LACTB2: variants seen among roughly 807,000 people sequenced by gnomAD.
LACTB2 encodes the protein endoribonuclease LACTB2.
LACTB2 carries 32 observed loss-of-function variants against 34.8 expected under a neutral mutation model. That is an observed-to-expected ratio of 0.92 (90% CI 0.69 to 1.24). The LOEUF (loss-of-function observed/expected upper bound fraction) is 1.24, where lower values mean the gene tolerates loss of function less well. LACTB2 is among the 50% of genes most tolerant of loss of function. LACTB2 has a pLI of 0.00. For missense variants in LACTB2, 320 were observed against 345.0 expected (o/e 0.93, Z 0.57); for synonymous variants, 120 against 117.5 (o/e 1.02, Z -0.14).
At position 70,657,816 on chromosome 8, in the gene LACTB2, T is replaced by C. The variant is rs1818430906; in HGVS notation, c.353A>G (p.Glu118Gly). The C allele has an allele frequency of 6.2e-7, 1 of 1,612,444 alleles. No homozygotes were observed. The highest frequency in any genetic ancestry group is 1.7e-5 in the Admixed American group (1 of 59,988). Residue 118 changes from glutamate to glycine, a missense_variant, in exon 3 of 7, where the codon GAG becomes GGG. Glu to Gly is a moderately conservative substitution (Grantham distance 98). Coordinates refer to ENST00000276590, the MANE Select transcript of LACTB2 (RefSeq NM_016027.3). ...PQREEIIGNG[E>G]QQYVYLKDGD... ...ATCTTTCAGATAAACATATTGTTGC[T>C]CTCCATTTCCTATAATTTCTTCTCT...
At chr8:70,667,833 G>A (rs1302848553) in intron 1 of LACTB2, among the ~76,000 whole-genome samples, 2 of 152,164 alleles carry the variant, frequency 1.3e-5, no homozygotes, top group Non-Finnish European at 2.9e-5. Flanking sequence ...ACTTTCCAGG[G>A]TAATTCTGAT....
chr8:70,665,577 C>T (rs140905658), intron 1 of LACTB2, among the ~76,000 whole-genome samples: 3 of 152,278 alleles, frequency 2.0e-5, no homozygotes, highest in East Asian at 3.9e-4. Context: ...ATGTTTTCCA[C>T]GTGCTAGAAC....
At chr8:70,655,113 A>G (rs1415148873) in intron 3 of LACTB2, among the ~76,000 whole-genome samples, 1 of 151,648 alleles carries the variant, frequency 6.6e-6, no homozygotes, top group African/African-American at 2.4e-5. Flanking sequence ...GGTTCCACAT[A>G]TCAGTGAGAA....
chr8:70,649,507 A>G (rs1563404770), intron 3 of LACTB2, among the ~76,000 whole-genome samples: 1 of 152,202 alleles, frequency 6.6e-6, no homozygotes, highest in East Asian at 1.9e-4. Context: ...AAAAGTAAGG[A>G]TAGTTTACTA....
chr8:70,654,485 T>TA (rs1372599964), intron 3 of LACTB2: 1 of 151,982 alleles, frequency 6.6e-6, no homozygotes, highest in Non-Finnish European at 1.5e-5. Context: ...GACAGTAAGA[T>TA]AAAGGAGGAA....
At position 70,661,917 on chromosome 8, in the gene LACTB2, T is replaced by C. The variant is rs1392276979; in HGVS notation, c.123-20A>G. 1.3e-6 allele frequency: 2 copies of C among 1,587,348 alleles called. No homozygotes were observed. Among genetic ancestry groups the C allele is most frequent in the Non-Finnish European group, 1.7e-6 (2 of 1,166,340 alleles). The stretch of plus-strand genomic sequence containing the variant: ...ATTCTCCTGAAAATTAAATGGAAGA[T>C]AATCACACAATTGGAACACTGCGTT... On this transcript the variant is annotated intron_variant, in intron 1 of 6. Coordinates refer to ENST00000276590, the MANE Select transcript of LACTB2 (RefSeq NM_016027.3).
chr8:70,648,729 T>C (rs1368164920), intron 3 of LACTB2, among the ~76,000 whole-genome samples: 1 of 152,174 alleles, frequency 6.6e-6, no homozygotes, highest in Non-Finnish European at 1.5e-5. Context: ...AAGCCTATCA[T>C]GGATTGACAA....
rs188835009 is a variant in LACTB2 at position 70,645,168 on chromosome 8, C to T, written c.414-925G>A. On this transcript the variant is annotated intron_variant, in intron 3 of 6. Transcript: ENST00000276590. The stretch of plus-strand genomic sequence containing the variant: ...CAAGCTGTTCTCACCCAGGCTGAAG[C>T]GTGGTGGCATGTTCCTGGCTCACTG... Among the ~76,000 whole-genome samples the T allele has an allele frequency of 9.8e-4, 149 of 152,162 alleles. 1 individual carries two copies. In the Middle Eastern group the frequency reaches 0.01, roughly 10 times the overall value.
intron 1 of LACTB2, among the ~76,000 whole-genome samples, chr8:70,664,576 CAAAA>C (rs1298630777): frequency 6.6e-6 from 1 of 151,280 alleles, no homozygotes; most frequent in Non-Finnish European, 1.5e-5. Flanking sequence ...GAAGGGCTCT[CAAAA>C]GAAAGAAAAC....
chr8:70,647,050 C>G (rs532953009), intron 3 of LACTB2, among the ~76,000 whole-genome samples: 14 of 152,128 alleles, frequency 9.2e-5, no homozygotes, highest in Admixed American at 2.0e-4. Flanking sequence ...TACATTTAAT[C>G]CTTACACTAC....
At chr8:70,667,553 T>C (rs1017265011) in intron 1 of LACTB2, among the ~76,000 whole-genome samples, 29 of 152,346 alleles carry the variant, frequency 1.9e-4, no homozygotes, top group Admixed American at 1.8e-3. Context: ...CAGTGTTAAG[T>C]AATTTAAGAC....
At chr8:70,661,650 T>G in intron 2 of LACTB2, 84 bp downstream of exon 2, 2 of 1,213,246 alleles carry the variant, frequency 1.6e-6, no homozygotes, top group Non-Finnish European at 2.3e-6. Flanking sequence ...AAATGGTTTA[T>G]AGACTACTTA....
In LACTB2 at chr8:70,661,868, G is replaced by T; in HGVS notation, c.152C>A (p.Ala51Glu). 1 of 1,610,282 alleles carries T rather than the reference G, an allele frequency of 6.2e-7. No homozygotes were observed. The highest frequency in any genetic ancestry group is 8.5e-7 in the Non-Finnish European group (1 of 1,178,884). ...RRILIDTGEP[A>E]IPEYISCLKQ... ...TAAACAGCTGATGTATTCTGGAATT[G>T]CTGGTTCTCCAGTGTCAATGAGGAT... The change falls in exon 2 of 7, where the codon GCA (alanine) becomes GAA (glutamate). Residue 51 changes from alanine (A) to glutamate (E), a missense_variant. Coordinates refer to ENST00000276590, the MANE Select transcript of LACTB2 (RefSeq NM_016027.3).
At chr8:70,658,808 C>T (rs1357548248) in intron 2 of LACTB2, among the ~76,000 whole-genome samples, 6 of 151,990 alleles carry the variant, frequency 3.9e-5, no homozygotes, top group South Asian at 2.1e-4. Context: ...GGGAGGATCA[C>T]GAGGTCAGGA....
intron 2 of LACTB2, among the ~76,000 whole-genome samples, chr8:70,658,752 C>T (rs577167666): frequency 2.6e-4 from 40 of 152,184 alleles, no homozygotes; most frequent in Admixed American, 1.4e-3. Flanking sequence ...TAAGTCCAGG[C>T]GTGGTGGCTC....
Position 70,669,155 on chromosome 8 carries a change from C to T in LACTB2, c.-35G>A, listed in dbSNP as rs746448033. On this transcript the variant is annotated 5_prime_UTR_variant, in exon 1 of 7. Coordinates refer to ENST00000276590, the MANE Select transcript of LACTB2 (RefSeq NM_016027.3). ...AGCCGCCCGCCGGCGTGTCGCCTAT[C>T]TGGATACTCCAGCGCGGAAGAAGCC... is the stretch of plus-strand genomic sequence containing the variant. The T allele has an allele frequency of 6.2e-6, 10 of 1,608,836 alleles. No homozygotes were observed. The highest frequency in any genetic ancestry group is 7.6e-6 in the Non-Finnish European group (9 of 1,177,620).
chr8:70,667,119 T>C (rs1818539716), intron 1 of LACTB2, among the ~76,000 whole-genome samples: 1 of 152,140 alleles, frequency 6.6e-6, no homozygotes, highest in African/African-American at 2.4e-5. Context: ...AAAGATTTGA[T>C]AAAGAAGATG....
intron 4 of LACTB2, among the ~76,000 whole-genome samples, chr8:70,643,841 C>T (rs1366782660): frequency 6.6e-6 from 1 of 152,064 alleles, no homozygotes; most frequent in African/African-American, 2.4e-5. Flanking sequence ...AGGCCAAATA[C>T]ATACAGAGAC....
intron 3 of LACTB2, among the ~76,000 whole-genome samples, chr8:70,657,345 G>C (rs971202881): frequency 6.6e-6 from 1 of 151,732 alleles, no homozygotes; most frequent in East Asian, 1.9e-4. Flanking sequence ...TCTCCTCCCA[G>C]AGTAAGCAAT....
Sources: allele counts gnomAD v4.1 joint callset (sites outside exome capture counted in the v4.1 genomes callset), GRCh38; gene constraint gnomAD v4.1.1; transcripts MANE v1.5; gene names NCBI Gene and HGNC (gene_info 2026-07-23, HGNC 2026-07-21).